Variants in ADGRL3 observed in about 807,000 individuals in gnomAD.
The protein encoded by ADGRL3 is adhesion G protein-coupled receptor L3.
In ADGRL3, 62 loss-of-function variants were observed where a neutral mutation model predicts 153.5. The observed-to-expected ratio is 0.40, with a 90% CI of 0.33 to 0.50. The LOEUF (loss-of-function observed/expected upper bound fraction) is 0.50, where lower values mean the gene tolerates loss of function less well. Among genes scored for constraint, ADGRL3 ranks in the 20% least tolerant of loss-of-function variants. The pLI is 0.47. For synonymous variants in ADGRL3, 710 were observed against 672.5 expected (o/e 1.06, Z -0.86); for missense variants, 1,641 against 1,859.4 (o/e 0.88, Z 2.16).
At chr4:61,264,347 T>G (rs2092718301) in intron 1 of ADGRL3, among the ~76,000 whole-genome samples, 1 of 151,906 alleles carries the variant, frequency 6.6e-6, no homozygotes, top group African/African-American at 2.4e-5. Context: ...TAAACTACCC[T>G]CTCCACAATT....
At chr4:61,381,002 C>T (rs563223611) in intron 1 of ADGRL3, among the ~76,000 whole-genome samples, 1 of 151,660 alleles carries the variant, frequency 6.6e-6, no homozygotes, top group Non-Finnish European at 1.5e-5. Context: ...GGTGTTTTCC[C>T]TCACACCTGG....
chr4:61,908,253 C>G (rs2098705197), intron 11 of ADGRL3, among the ~76,000 whole-genome samples: 1 of 151,998 alleles, frequency 6.6e-6, no homozygotes, highest in Admixed American at 6.6e-5. Context: ...TGCCCCTGCA[C>G]TTCTTCAGCC....
chr4:61,502,589 TTATAA>T (rs972161762), intron 3 of ADGRL3, among the ~76,000 whole-genome samples: 1 of 151,970 alleles, frequency 6.6e-6, no homozygotes, highest in Non-Finnish European at 1.5e-5. Flanking sequence ...AACAAATTAC[TTATAA>T]TAAACAGTTC....
At chr4:61,676,711 A>T in intron 5 of ADGRL3, 115 bp from the exon 6 acceptor site, 1 of 754,450 alleles carries the variant, frequency 1.3e-6, no homozygotes, top group Non-Finnish European at 2.3e-6. Flanking sequence ...CCCCAAATTA[A>T]GCAAAACCTT....
intron 21 of ADGRL3, among the ~76,000 whole-genome samples, chr4:62,023,687 T>C (rs1716600825): frequency 6.6e-6 from 1 of 152,202 alleles, no homozygotes; most frequent in Non-Finnish European, 1.5e-5. Flanking sequence ...TAGAACTCGC[T>C]GAAGCCTCAG....
At chr4:61,385,142 T>G (rs771427643) in intron 2 of ADGRL3, among the ~76,000 whole-genome samples, 3 of 152,130 alleles carry the variant, frequency 2.0e-5, no homozygotes, top group Non-Finnish European at 4.4e-5. Context: ...GATTTCTCCA[T>G]AAACTTCATA....
At chr4:61,785,293 CT>C (rs892067338) in intron 8 of ADGRL3, among the ~76,000 whole-genome samples, 1 of 152,098 alleles carries the variant, frequency 6.6e-6, no homozygotes, top group African/African-American at 2.4e-5. Context: ...ATAAAATATA[CT>C]TTTTTTATTT....
intron 9 of ADGRL3, among the ~76,000 whole-genome samples, chr4:61,886,049 C>T (rs969830859): frequency 6.6e-6 from 1 of 151,960 alleles, no homozygotes; most frequent in East Asian, 1.9e-4. Context: ...CATGAAAGAA[C>T]TAGAAAGTAT....
intron 4 of ADGRL3, among the ~76,000 whole-genome samples, chr4:61,574,433 G>A (rs1009533184): frequency 1.3e-5 from 2 of 151,862 alleles, no homozygotes; most frequent in East Asian, 1.9e-4. Context: ...TTGGCAAAAT[G>A]CCTTCTGAAC....
At chr4:61,583,770 G>A (rs2098935430) in intron 4 of ADGRL3, 1 of 517,588 alleles carries the variant, frequency 1.9e-6, no homozygotes, top group South Asian at 1.4e-5. Flanking sequence ...AATTTATTCA[G>A]CAGATATCTA....
At chr4:61,711,431 C>A (rs1314973772) in intron 6 of ADGRL3, among the ~76,000 whole-genome samples, 1 of 115,496 alleles carries the variant, frequency 8.7e-6, no homozygotes, top group African/African-American at 3.2e-5. Flanking sequence ...ACAAACCTAA[C>A]AATACTATCT....
At chr4:61,867,505 AATATATATGCAT>A (rs1389416263) in intron 9 of ADGRL3, among the ~76,000 whole-genome samples, 1 of 35,678 alleles carries the variant, frequency 2.8e-5, no homozygotes, top group Non-Finnish European at 6.6e-5. Flanking sequence ...GTCTCAAAAA[AATATATATGCAT>A]ATATATATAT....
At chr4:61,441,145 T>G (rs1165276170) in intron 2 of ADGRL3, among the ~76,000 whole-genome samples, 1 of 152,200 alleles carries the variant, frequency 6.6e-6, no homozygotes, top group Non-Finnish European at 1.5e-5. Context: ...TATTATCTTT[T>G]TCTTTCTTCT....
At chr4:61,914,752 A>G (rs1477368140) in intron 13 of ADGRL3, among the ~76,000 whole-genome samples, 1 of 152,022 alleles carries the variant, frequency 6.6e-6, no homozygotes. Context: ...CTCTAAGGAG[A>G]ATATTATGAT....
At chr4:61,683,244 C>T (rs2095374725) in intron 6 of ADGRL3, among the ~76,000 whole-genome samples, 1 of 151,864 alleles carries the variant, frequency 6.6e-6, no homozygotes, top group Non-Finnish European at 1.5e-5. Context: ...TCCAGAGTAG[C>T]TAGGACTGTA....
chr4:61,656,062 T>A (rs966374606), intron 5 of ADGRL3, among the ~76,000 whole-genome samples: 10 of 152,132 alleles, frequency 6.6e-5, no homozygotes, highest in African/African-American at 1.2e-4. Flanking sequence ...TAATCACAGG[T>A]TTTTGATGTT....
At chr4:61,521,578 C>T (rs948139383) in intron 4 of ADGRL3, among the ~76,000 whole-genome samples, 31 of 152,140 alleles carry the variant, frequency 2.0e-4, no homozygotes, top group Middle Eastern at 3.4e-3. Context: ...AAGAAATAGA[C>T]GAGTCTGTTC....
chr4:61,577,927 T>C (rs937747951), intron 4 of ADGRL3, among the ~76,000 whole-genome samples: 5 of 152,078 alleles, frequency 3.3e-5, no homozygotes, highest in Non-Finnish European at 5.9e-5. Context: ...CAAAGATTCA[T>C]ATTAACTTTT....
intron 4 of ADGRL3, among the ~76,000 whole-genome samples, chr4:61,578,231 G>A (rs770531113): frequency 1.7e-4 from 26 of 151,972 alleles, no homozygotes; most frequent in African/African-American, 2.2e-4. Flanking sequence ...TGACTTTCTC[G>A]TTCATGCCTT....
Sources: allele counts gnomAD v4.1 joint callset (sites outside exome capture counted in the v4.1 genomes callset), GRCh38; gene constraint gnomAD v4.1.1; transcripts MANE v1.5; gene names NCBI Gene and HGNC (gene_info 2026-07-23, HGNC 2026-07-21).